Variants in GRID1 observed in about 807,000 individuals in gnomAD.
The protein encoded by GRID1 is glutamate ionotropic receptor delta type subunit 1.
In GRID1, 28 loss-of-function variants were observed where a neutral mutation model predicts 98.0. That is an observed-to-expected ratio of 0.29 (90% CI 0.21 to 0.39). GRID1 has a LOEUF of 0.39. Ranked by LOEUF, GRID1 falls within the 10% of genes least tolerant of loss-of-function variation. The pLI, the probability that GRID1 is intolerant of heterozygous loss-of-function variation, is 1.00. For missense variants in GRID1, 1,111 were observed against 1,340.5 expected (o/e 0.83, Z 2.67); for synonymous variants, 553 against 538.5 (o/e 1.03, Z -0.37).
At chr10:86,113,408 T>C (rs899849038) in intron 4 of GRID1, among the ~76,000 whole-genome samples, 2 of 152,154 alleles carry the variant, frequency 1.3e-5, no homozygotes, top group Non-Finnish European at 2.9e-5. Flanking sequence ...TTTGCAATGG[T>C]AAAGGTCTCC....
At chr10:86,154,791 C>T (rs1845221274) in intron 3 of GRID1, among the ~76,000 whole-genome samples, 1 of 152,190 alleles carries the variant, frequency 6.6e-6, no homozygotes. Flanking sequence ...GAGCTGCCAT[C>T]GTAAGCTGGG....
intron 12 of GRID1, among the ~76,000 whole-genome samples, chr10:85,694,554 A>G (rs1385364920): frequency 0.081 from 77 of 948 alleles, 3 homozygotes; most frequent in Non-Finnish European, 0.13. Flanking sequence ...TGGTGTGTAT[A>G]TATATATATA....
At chr10:85,751,022 G>T (rs999189063) in intron 8 of GRID1, among the ~76,000 whole-genome samples, 5 of 152,204 alleles carry the variant, frequency 3.3e-5, no homozygotes, top group African/African-American at 9.6e-5. Flanking sequence ...AAATGTTCAG[G>T]TTGATAGAAA....
At chr10:85,900,389 C>T (rs1310127720) in intron 5 of GRID1, among the ~76,000 whole-genome samples, 1 of 152,196 alleles carries the variant, frequency 6.6e-6, no homozygotes, top group Non-Finnish European at 1.5e-5. Context: ...CCACCAGAAT[C>T]CATTTGCTGG....
rs559302533 is a variant in GRID1, at chr10:85,661,495, G to C, written c.1998-14098C>G. Among the ~76,000 whole-genome samples the C allele has an allele frequency of 2.6e-5, 4 of 152,258 alleles. No individual in the cohort carries two copies. The East Asian group carries it at 7.7e-4, about 29-fold the overall frequency. On this transcript the variant is annotated intron_variant, in intron 12 of 15. Coordinates refer to ENST00000327946, the MANE Select transcript of GRID1 (RefSeq NM_017551.3). Reference sequence around the variant, plus strand: ...TGTTGAGACTCAGAGCTACCACAGGGAGGATCTCACAGAGAACAGACCTCT... The same window carrying C: ...TGTTGAGACTCAGAGCTACCACAGGCAGGATCTCACAGAGAACAGACCTCT...
In GRID1 at chr10:85,907,224, G is replaced by A. The variant is rs541726247; in HGVS notation, c.780+8962C>T. ...CCTCCAGGGTTCAAGTGATTCTAAT[G>A]TCTCAGTCTCCAAAGTAGCTGGGAT... On this transcript the variant is annotated intron_variant, in intron 5 of 15. Coordinates refer to ENST00000327946, the MANE Select transcript of GRID1 (RefSeq NM_017551.3). Among the ~76,000 whole-genome samples the A allele has an allele frequency of 3.3e-5, 5 of 152,150 alleles. No homozygotes were observed. In the East Asian group the frequency reaches 9.6e-4, roughly 29 times the overall value.
chr10:85,696,983 A>G (rs1311557161), intron 12 of GRID1, among the ~76,000 whole-genome samples: 8 of 152,060 alleles, frequency 5.3e-5, no homozygotes, highest in Admixed American at 5.2e-4. Context: ...TTGTAGGGAT[A>G]GAACATGTTA....
chr10:85,990,864 CTT>C (rs142590501), intron 4 of GRID1, among the ~76,000 whole-genome samples: 4 of 151,764 alleles, frequency 2.6e-5, no homozygotes, highest in African/African-American at 7.3e-5. Flanking sequence ...AATATAAAGA[CTT>C]TTTTTTTCCT....
chr10:85,898,414 A>G (rs1479712576), intron 5 of GRID1, among the ~76,000 whole-genome samples: 1 of 152,156 alleles, frequency 6.6e-6, no homozygotes, highest in African/African-American at 2.4e-5. Flanking sequence ...TTATTTTTAA[A>G]ATTTTTCTTC....
intron 8 of GRID1, among the ~76,000 whole-genome samples, chr10:85,771,132 A>C (rs1267256878): frequency 6.6e-6 from 1 of 152,230 alleles, no homozygotes; most frequent in Non-Finnish European, 1.5e-5. Flanking sequence ...TCTCGGCAGA[A>C]ACTCTACAAG....
At chr10:86,049,171 G>A (rs183154895) in intron 4 of GRID1, among the ~76,000 whole-genome samples, 1 of 152,314 alleles carries the variant, frequency 6.6e-6, no homozygotes, top group African/African-American at 2.4e-5. Flanking sequence ...CAACAGGCCT[G>A]TCACCATCAC....
At chr10:85,794,444 G>A (rs879319054) in intron 8 of GRID1, among the ~76,000 whole-genome samples, 1 of 152,174 alleles carries the variant, frequency 6.6e-6, no homozygotes, top group Non-Finnish European at 1.5e-5. Flanking sequence ...TTATAAGTGT[G>A]TTTCTAATCA....
At chr10:85,635,892 G>T (rs932853743) in intron 13 of GRID1, among the ~76,000 whole-genome samples, 1 of 152,192 alleles carries the variant, frequency 6.6e-6, no homozygotes, top group Admixed American at 6.5e-5. Flanking sequence ...TTCTGATCAC[G>T]AGTTCCTTCC....
At chr10:85,770,472 G>A (rs1028432963) in intron 8 of GRID1, among the ~76,000 whole-genome samples, 10 of 152,206 alleles carry the variant, frequency 6.6e-5, no homozygotes, top group East Asian at 5.8e-4. Context: ...AAAGCTGGAC[G>A]GAGAATGCCT....
At chr10:86,101,271 T>C (rs1308259667) in intron 4 of GRID1, among the ~76,000 whole-genome samples, 1 of 152,240 alleles carries the variant, frequency 6.6e-6, no homozygotes, top group East Asian at 1.9e-4. Context: ...TAACTAGGAC[T>C]TGTTTTTTAA....
chr10:85,696,025 ATTCTACCCAGTG>A (rs1442616346), intron 12 of GRID1, among the ~76,000 whole-genome samples: 2 of 152,132 alleles, frequency 1.3e-5, no homozygotes, highest in Non-Finnish European at 2.9e-5. Flanking sequence ...ATCTTGAACT[ATTCTACCCAGTG>A]TTCCTAATTC....
intron 4 of GRID1, among the ~76,000 whole-genome samples, chr10:86,118,681 C>T (rs778717357): frequency 2.6e-5 from 4 of 152,056 alleles, no homozygotes; most frequent in Non-Finnish European, 5.9e-5. Context: ...GTGGAGAAAC[C>T]TTGACAAACA....
chr10:85,758,487 C>A (rs1842119194), intron 8 of GRID1, among the ~76,000 whole-genome samples: 1 of 152,168 alleles, frequency 6.6e-6, no homozygotes, highest in Non-Finnish European at 1.5e-5. Context: ...CACATAGCTT[C>A]TCCTCATTGT....
At chr10:85,832,220 A>T (rs550804077) in intron 8 of GRID1, among the ~76,000 whole-genome samples, 1 of 152,278 alleles carries the variant, frequency 6.6e-6, no homozygotes, top group East Asian at 1.9e-4. Flanking sequence ...CTAGTGAATT[A>T]TTCTGAACAT....
Sources: allele counts gnomAD v4.1 joint callset (sites outside exome capture counted in the v4.1 genomes callset), GRCh38; gene constraint gnomAD v4.1.1; transcripts MANE v1.5; gene names NCBI Gene and HGNC (gene_info 2026-07-23, HGNC 2026-07-21).